The following AEN variants were observed in gnomAD, a reference collection of about 807,000 sequenced individuals.
AEN encodes apoptosis-enhancing nuclease.
A neutral mutation model predicts 17.7 loss-of-function variants in AEN; 21 were observed. That is an observed-to-expected ratio of 1.19 (90% CI 0.84 to 1.71). The LOEUF (loss-of-function observed/expected upper bound fraction) is 1.71. Among genes scored for constraint, AEN ranks in the 40% most tolerant of loss-of-function variants. The probability of loss-of-function intolerance (pLI) is 0.00; values close to 1 mark genes in which losing one functional copy is unlikely to be tolerated. For synonymous variants in AEN, 190 were observed against 173.0 expected (o/e 1.10, Z -0.77); for missense variants, 462 against 435.9 (o/e 1.06, Z -0.53).
At chr15:88,611,797 T>C in the AEN span, 2 of 463,214 alleles carry the variant, frequency 4.3e-6, no homozygotes, top group Non-Finnish European at 8.7e-6. Flanking sequence ...GGGAGGGGGG[T>C]GGTCCTCGAA....
upstream of AEN, among the ~76,000 whole-genome samples, chr15:88,617,465 C>T (rs1320695011): frequency 1.3e-5 from 2 of 152,210 alleles, no homozygotes; most frequent in African/African-American, 4.8e-5. Context: ...GTTGGCCAGG[C>T]TGGTCTCAAA....
the AEN span, among the ~76,000 whole-genome samples, chr15:88,606,463 G>A: frequency 1.3e-5 from 2 of 152,262 alleles, no homozygotes; most frequent in South Asian, 4.1e-4. Context: ...AAAGATTATT[G>A]TTTGGCCAAG....
In AEN at chr15:88,626,439, C is replaced by T; in HGVS notation, c.230C>T (p.Ala77Val). 1 of 1,613,646 alleles carries T rather than the reference C, an allele frequency of 6.2e-7. No homozygotes were observed. Among genetic ancestry groups the T allele is most frequent in the Non-Finnish European group, 8.5e-7 (1 of 1,179,914 alleles). The change falls in exon 2 of 4, where the codon GCC (alanine) becomes GTC (valine). Residue 77 changes from alanine (A) to valine (V), a missense_variant. Physicochemically the swap from Ala to Val is moderately conservative, Grantham distance 64 (BLOSUM62 0). Transcript: ENST00000332810. ...PFGAATATEA[A>V]SSGKQCLRAG... ...GGGGCAGCGACAGCAACTGAAGCTG[C>T]CAGCAGTGGGAAGCAGTGTCTGAGG...
intron 1 of AEN, among the ~76,000 whole-genome samples, chr15:88,624,513 C>T (rs1443595994): frequency 1.3e-5 from 2 of 152,180 alleles, no homozygotes; most frequent in Non-Finnish European, 2.9e-5. Flanking sequence ...GTCGTTTCCT[C>T]TTCACACAGT....
chr15:88,619,405 C>T (rs1596024288), upstream of AEN, among the ~76,000 whole-genome samples: 1 of 152,108 alleles, frequency 6.6e-6, no homozygotes, highest in East Asian at 1.9e-4. Flanking sequence ...TAAAACTCTC[C>T]TTGGTTGGGT....
chr15:88,629,529 A>G (rs186401614), intron 3 of AEN, 103 bp downstream of exon 3: 12 of 1,382,220 alleles, frequency 8.7e-6, no homozygotes, highest in Non-Finnish European at 1.1e-5. Flanking sequence ...CCTCCTTGTC[A>G]TTCTCTTCCC....
At chr15:88,625,504 C>T (rs72763847) in intron 1 of AEN, among the ~76,000 whole-genome samples, 11 of 152,112 alleles carry the variant, frequency 7.2e-5, no homozygotes, top group South Asian at 4.2e-4. Context: ...GAACTTATCT[C>T]AAAATAAATA....
At chr15:88,608,157 C>G in the AEN span, 1 of 531,454 alleles carries the variant, frequency 1.9e-6, no homozygotes. Flanking sequence ...ATTGCCTTGT[C>G]AACCAATAAG....
At chr15:88,608,160 C>T in the AEN span, 4 of 531,212 alleles carry the variant, frequency 7.5e-6, no homozygotes, top group African/African-American at 1.9e-5. Flanking sequence ...GCCTTGTCAA[C>T]CAATAAGAGG....
In AEN at chr15:88,629,224, A is replaced by G. The variant is rs758520220; in HGVS notation, c.541-2A>G. The stretch of plus-strand genomic sequence containing the variant: ...CTCCCTGACTCCTCTTTCTGCTCAC[A>G]GATCCTTAAGCTCCTGAAGGGCAAG... On this transcript the variant is annotated splice_acceptor_variant, in intron 2 of 3. Coordinates refer to ENST00000332810, the MANE Select transcript of AEN (RefSeq NM_022767.4). LOFTEE classifies it high-confidence loss of function. 3.1e-6 allele frequency: 5 copies of G among 1,613,786 alleles called. No homozygotes were observed. The Admixed American group carries it at 8.3e-5, about 27-fold the overall frequency.
rs954431281 is a variant in AEN at position 88,626,246 on chromosome 15, C to T, written c.37C>T (p.Leu13=). ...PREAPESAQC[L]CPSLTIPNAK... is the part of the protein sequence containing the mutation. ...GGAGGCCCCTGAGTCTGCTCAGTGC[C>T]TGTGCCCTTCCCTCACCATCCCAAA... The change falls in exon 2 of 4, where the codon CTG becomes TTG. Residue 13 remains leucine, a synonymous_variant. Transcript: ENST00000332810. 3.7e-6 allele frequency: 6 copies of T among 1,610,406 alleles called. 1 individual carries two copies. Among genetic ancestry groups the T allele is most frequent in the Non-Finnish European group, 4.2e-6 (5 of 1,178,124 alleles).
rs781055656 is a variant in AEN, at chr15:88,630,013, T to C, written c.742-45T>C. Reference sequence around the variant, plus strand: ...GCCTTGCTTCTTGGGGTAACAGGCCTCTCACTAGGCCTGCAGGCAGTGATG... The same window carrying C: ...GCCTTGCTTCTTGGGGTAACAGGCCCCTCACTAGGCCTGCAGGCAGTGATG... On this transcript the variant is annotated intron_variant, in intron 3 of 3. Transcript: ENST00000332810. This position sits in a 1 kb window ranked among gnomAD's most constrained non-coding sequence, Gnocchi z 5.1. 1 of 1,596,174 alleles carries C rather than the reference T, an allele frequency of 6.3e-7. No homozygotes were observed. The highest frequency in any genetic ancestry group is 1.1e-5 in the South Asian group (1 of 90,460).
intron 1 of AEN, 97 bp from the exon 2 acceptor site, chr15:88,626,049 C>T: frequency 1.2e-6 from 1 of 805,982 alleles, no homozygotes; most frequent in Non-Finnish European, 1.9e-6. Flanking sequence ...GGCTCTCGGG[C>T]ATCCCCACCG....
the AEN span, chr15:88,608,031 T>A: frequency 0.13 from 61,937 of 475,340 alleles, 5,613 homozygotes; most frequent in East Asian, 0.41. Flanking sequence ...TGGTTTTTTT[T>A]AATTATTATT....
Position 88,630,960 on chromosome 15 carries a change from A to T in AEN, c.*666A>T. On this transcript the variant is annotated 3_prime_UTR_variant, in exon 4 of 4. Coordinates refer to ENST00000332810, the MANE Select transcript of AEN (RefSeq NM_022767.4). This position sits in a 1 kb window ranked among gnomAD's most constrained non-coding sequence, Gnocchi z 5.1. Reference sequence around the variant, plus strand: ...AGGCTACAGTGGAATAGCAGAGCCCACAGGCTTCTCGTGGGGAGTTGGCTC... The same window carrying T: ...AGGCTACAGTGGAATAGCAGAGCCCTCAGGCTTCTCGTGGGGAGTTGGCTC... The T allele has an allele frequency of 2.8e-6, 1 of 361,122 alleles. No individual in the cohort carries two copies. The highest frequency in any genetic ancestry group is 7.5e-5 in the East Asian group (1 of 13,404). The allele number at this position is 361,122 out of a possible 1,614,324, so 22.4% of individuals were successfully genotyped here. A position where few individuals can be genotyped will look rare whatever the true frequency, so the allele number is the denominator to read the frequency against.
chr15:88,609,755 C>T, the AEN span, among the ~76,000 whole-genome samples: 1 of 152,168 alleles, frequency 6.6e-6, no homozygotes, highest in Non-Finnish European at 1.5e-5. Context: ...ATTTTGAAAA[C>T]TAGGGCCACA....
rs146671175 is a variant in AEN at position 88,626,714 on chromosome 15, C to T, written c.505C>T (p.Arg169Cys). ...GAGTGGCATCACTCGGCAGCACATG[C>T]GCAAGGCTGTCCCCTTCCAGGTGGC... ...RWSGITRQHM[R>C]KAVPFQVAQK... Residue 169 changes from arginine to cysteine, a missense_variant, in exon 2 of 4, where the codon CGC (arginine) becomes TGC (cysteine). Transcript: ENST00000332810. 5 of 1,612,026 alleles carry T rather than the reference C, an allele frequency of 3.1e-6. No individual in the cohort carries two copies. Among genetic ancestry groups the T allele is most frequent in the South Asian group, 2.2e-5 (2 of 91,088 alleles).
chr15:88,624,858 G>C (rs1013273542), intron 1 of AEN, among the ~76,000 whole-genome samples: 19 of 148,198 alleles, frequency 1.3e-4, no homozygotes, highest in African/African-American at 4.2e-4. Flanking sequence ...ACTCTAGCCT[G>C]GGTAACGAGA....
chr15:88,609,221 A>G, the AEN span, among the ~76,000 whole-genome samples: 1 of 152,204 alleles, frequency 6.6e-6, no homozygotes, highest in East Asian at 1.9e-4. Context: ...CTAGACTATT[A>G]GCCCTTCAAT....
Sources: allele counts gnomAD v4.1 joint callset (sites outside exome capture counted in the v4.1 genomes callset), GRCh38; gene constraint gnomAD v4.1.1; non-coding constraint Gnocchi (gnomAD v3.1); transcripts MANE v1.5; gene names NCBI Gene and HGNC (gene_info 2026-07-23, HGNC 2026-07-21).